ARHGEF10: variants seen among roughly 807,000 people sequenced by gnomAD.
The protein encoded by ARHGEF10 is Rho guanine nucleotide exchange factor (GEF) 10.
In ARHGEF10, 140 loss-of-function variants were observed where a neutral mutation model predicts 147.4. The ratio of observed to expected loss-of-function variants is 0.95; its 90% CI spans 0.83 to 1.09. The LOEUF (loss-of-function observed/expected upper bound fraction) is 1.09. Ranked by LOEUF, ARHGEF10 falls within the 50% of genes least tolerant of loss-of-function variation. The pLI, the probability that ARHGEF10 is intolerant of heterozygous loss-of-function variation, is 0.00. For missense variants in ARHGEF10, 2,222 were observed against 1,752.7 expected (o/e 1.27, Z -4.78); for synonymous variants, 902 against 695.8 (o/e 1.30, Z -4.67).
chr8:1,887,728 T>C lies in ARHGEF10; in HGVS notation c.1182+2021T>C, dbSNP rs1808805121. ...GGGATGAGGGTTTGTGAGAAGACGC[T>C]AGATGGGATGAGGGTTTTGAGGAGA... is the stretch of plus-strand genomic sequence containing the variant. On this transcript the variant is annotated intron_variant, in intron 11 of 28. Transcript: ENST00000349830. 1.4e-5 allele frequency among the ~76,000 whole-genome samples: 2 copies of C among 143,912 alleles called. 1 individual carries two copies. Among genetic ancestry groups the C allele is most frequent in the African/African-American group, 5.3e-5 (2 of 37,608 alleles). The allele number at this position is 143,912 out of a possible 152,430, so 94.4% of individuals were successfully genotyped here. A position where few individuals can be genotyped will look rare whatever the true frequency, so the allele number is the denominator to read the frequency against.
chr8:1,872,193 A>C (rs1807181548), intron 7 of ARHGEF10, among the ~76,000 whole-genome samples: 1 of 152,244 alleles, frequency 6.6e-6, no homozygotes, highest in Non-Finnish European at 1.5e-5. Flanking sequence ...GAAATTAAAA[A>C]TTGCCTTGAA....
At chr8:1,857,422 CT>C (rs60823878) in intron 2 of ARHGEF10, among the ~76,000 whole-genome samples, 6,686 of 137,208 alleles carry the variant, frequency 0.049, 359 homozygotes, top group East Asian at 0.22. Context: ...GTTTTCTTTT[CT>C]TTTTTTTTTT....
intron 2 of ARHGEF10, among the ~76,000 whole-genome samples, chr8:1,850,141 G>C (rs1804967699): frequency 7.2e-6 from 1 of 139,194 alleles, no homozygotes; most frequent in Non-Finnish European, 1.6e-5. Context: ...ATGCTGAGGA[G>C]GGTGTGGGGC....
chr8:1,858,155 GGTCCCCAGGTGA>G lies in ARHGEF10; in HGVS notation c.193+52_193+63del, dbSNP rs757651864. The G allele has an allele frequency of 1.5e-3, 2,200 of 1,506,342 alleles. 15 individuals are homozygous for G. Among genetic ancestry groups the G allele is most frequent in the African/African-American group, 2.6e-3 (141 of 53,650 alleles). 93.3% of individuals were successfully genotyped at this position (1,506,342 alleles called of 1,614,324 possible). On this transcript the variant is annotated intron_variant, in intron 3 of 28. Transcript: ENST00000349830. ...GGGTCCCCAGGTGAGTCCCCAGGTG[GGTCCCCAGGTGA>G]GTCCCCAGGTGGGTCCCCATGTGAG...
At chr8:1,951,403 C>T (rs1815038109) in intron 27 of ARHGEF10, among the ~76,000 whole-genome samples, 1 of 152,244 alleles carries the variant, frequency 6.6e-6, no homozygotes, top group Non-Finnish European at 1.5e-5. Context: ...ACCAGGCCAA[C>T]ATTCAGAATT....
intron 23 of ARHGEF10, 78 bp downstream of exon 23, chr8:1,926,541 T>C (rs774949742): frequency 7.5e-7 from 1 of 1,336,554 alleles, no homozygotes; most frequent in Non-Finnish European, 1.1e-6. Context: ...GAGACTGAGA[T>C]GTGAATTGCT....
At chr8:1,855,031 T>G (rs74805768) in intron 2 of ARHGEF10, among the ~76,000 whole-genome samples, 2,199 of 152,190 alleles carry the variant, frequency 0.014, 82 homozygotes, top group East Asian at 0.095. Context: ...CAGGGCTGTT[T>G]CCTGCACACA....
chr8:1,893,739 T>C, intron 12 of ARHGEF10, 93 bp downstream of exon 12: 1 of 1,066,278 alleles, frequency 9.4e-7, no homozygotes, highest in Non-Finnish European at 1.4e-6. Context: ...CATATATGTT[T>C]ATGAAACATA....
At chr8:1,889,874 AG>A (rs1237754197) in intron 11 of ARHGEF10, among the ~76,000 whole-genome samples, 113 of 131,648 alleles carry the variant, frequency 8.6e-4, no homozygotes, top group African/African-American at 3.2e-3. Context: ...GAGTGTGGTG[AG>A]GGTTTGTGAG....
chr8:1,920,244 A>T (rs1446983135), intron 18 of ARHGEF10, among the ~76,000 whole-genome samples: 1 of 152,230 alleles, frequency 6.6e-6, no homozygotes, highest in Non-Finnish European at 1.5e-5. Flanking sequence ...ATTTGATTGG[A>T]TGATAATTGT....
At chr8:1,885,561 T>C (rs754760472) in intron 10 of ARHGEF10, 40 bp from the exon 11 acceptor site, 3 of 1,389,210 alleles carry the variant, frequency 2.2e-6, no homozygotes, top group Admixed American at 1.7e-5. Flanking sequence ...GAATATATTA[T>C]TTGAATGTAA....
intron 11 of ARHGEF10, among the ~76,000 whole-genome samples, chr8:1,886,018 AG>A (rs1808629432): frequency 6.6e-6 from 1 of 152,200 alleles, no homozygotes; most frequent in African/African-American, 2.4e-5. Flanking sequence ...CGTGGGAGTC[AG>A]TCACACAGTT....
At chr8:1,888,343 CA>C (rs1808963755) in intron 11 of ARHGEF10, among the ~76,000 whole-genome samples, 1 of 107,488 alleles carries the variant, frequency 9.3e-6, no homozygotes, top group African/African-American at 3.7e-5. Flanking sequence ...TGTGAGGAGA[CA>C]CTGAGTGGGG....
At chr8:1,900,318 C>G (rs767850499) in intron 15 of ARHGEF10, among the ~76,000 whole-genome samples, 6 of 152,104 alleles carry the variant, frequency 3.9e-5, no homozygotes, top group Non-Finnish European at 8.8e-5. Context: ...CCGAGCAGCT[C>G]CCACGTTTCC....
chr8:1,885,609 T>C lies in ARHGEF10; in HGVS notation c.1084T>C (p.Ser362Pro). ...TTGACTTTTTTTTTAAGATCACAGA[T>C]CTTCTCTTGAGGAAGAACAGAATTT... is the stretch of plus-strand genomic sequence containing the variant. ...TKSLIAQDHR[S>P]SLEEEQNLFI... The change falls in exon 11 of 29, where the codon TCT (serine) becomes CCT (proline). Residue 362 changes from serine (S) to proline (P), a missense_variant. Transcript: ENST00000349830. 6.2e-7 allele frequency: 1 copy of C among 1,612,588 alleles called. No homozygotes were observed.
intron 1 of ARHGEF10, among the ~76,000 whole-genome samples, chr8:1,842,627 C>T (rs184402826): frequency 1.3e-5 from 2 of 152,304 alleles, no homozygotes; most frequent in African/African-American, 4.8e-5. Flanking sequence ...GCACTGGAGC[C>T]GAGGCAGCTG....
At chr8:1,935,572 G>A (rs1410329799) in intron 26 of ARHGEF10, among the ~76,000 whole-genome samples, 3 of 152,184 alleles carry the variant, frequency 2.0e-5, no homozygotes, top group Non-Finnish European at 2.9e-5. Flanking sequence ...TCTCAGGACC[G>A]CGGGGTCTTA....
chr8:1,947,381 C>T (rs969133213), intron 27 of ARHGEF10, among the ~76,000 whole-genome samples: 34 of 152,186 alleles, frequency 2.2e-4, no homozygotes, highest in African/African-American at 7.7e-4. Flanking sequence ...AGAGCAGCCA[C>T]GGAAATGCAG....
intron 11 of ARHGEF10, among the ~76,000 whole-genome samples, chr8:1,887,823 G>A (rs1808821617): frequency 7.2e-6 from 1 of 138,120 alleles, no homozygotes; most frequent in Non-Finnish European, 1.6e-5. Flanking sequence ...GCTGAGGAGA[G>A]GTGAAAGTTC....
Sources: gnomAD v4.1 joint callset for allele counts (sites outside exome capture counted in the v4.1 genomes callset) on GRCh38, gnomAD v4.1.1 for gene constraint, MANE v1.5 for transcripts, NCBI Gene and HGNC (gene_info 2026-07-23, HGNC 2026-07-21) for gene names.